Variants in CA10 observed in about 807,000 individuals in gnomAD.
CA10 encodes the protein carbonic anhydrase 10 (inactive).
Under a neutral mutation model 44.2 loss-of-function variants are expected in CA10, and 14 were observed. The observed-to-expected ratio is 0.32, with a 90% CI of 0.21 to 0.50. The LOEUF is 0.50. CA10 is among the 20% of genes least tolerant of loss of function. The pLI, the probability that CA10 is intolerant of heterozygous loss-of-function variation, is 0.99. For synonymous variants in CA10, 159 were observed against 141.6 expected (o/e 1.12, Z -0.87); for missense variants, 350 against 409.7 (o/e 0.85, Z 1.26).
chr17:51,717,811 A>ATG (rs1916198433), intron 4 of CA10, among the ~76,000 whole-genome samples: 1 of 40,470 alleles, frequency 2.5e-5, no homozygotes, highest in African/African-American at 8.0e-5. Flanking sequence ...ATATATATAC[A>ATG]CGTATATATA....
chr17:51,760,915 G>T (rs1047425605), intron 3 of CA10, among the ~76,000 whole-genome samples: 1 of 152,134 alleles, frequency 6.6e-6, no homozygotes, highest in Non-Finnish European at 1.5e-5. Flanking sequence ...TGAATGAGGT[G>T]TTTTATATTC....
chr17:52,062,065 CT>C lies in CA10; in HGVS notation c.136+10253del, dbSNP rs56369087. ...AAGCTTTCAAGAAGTGGTGTGGCCA[CT>C]TTTTTTTTTTTTTTTTTTTGAGATG... On this transcript the variant is annotated intron_variant, in intron 2 of 8. Coordinates refer to ENST00000451037, the MANE Select transcript of CA10 (RefSeq NM_020178.5). Among the ~76,000 whole-genome samples the C allele has an allele frequency of 4.5e-3, 522 of 115,782 alleles. 2 individuals are homozygous for C. The highest frequency in any genetic ancestry group is 0.016 in the African/African-American group (475 of 29,830). The allele number at this position is 115,782 out of a possible 152,430, so 76.0% of individuals were successfully genotyped here.
chr17:52,144,589 T>A (rs1989545006), intron 1 of CA10, among the ~76,000 whole-genome samples: 1 of 152,174 alleles, frequency 6.6e-6, no homozygotes, highest in Admixed American at 6.5e-5. Context: ...GACATGATTA[T>A]CTCCCTTCTT....
chr17:51,802,828 C>A (rs1458402345), intron 3 of CA10, among the ~76,000 whole-genome samples: 1 of 152,160 alleles, frequency 6.6e-6, no homozygotes, highest in Non-Finnish European at 1.5e-5. Flanking sequence ...GCTCTGCAAC[C>A]TGTACCTACT....
chr17:52,029,922 C>T (rs1986414553), intron 2 of CA10, among the ~76,000 whole-genome samples: 1 of 152,188 alleles, frequency 6.6e-6, no homozygotes. Context: ...ACATCTCACA[C>T]ACTGTGTATT....
At position 52,060,638 on chromosome 17, in the gene CA10, T is replaced by C. The variant is rs184896735; in HGVS notation, c.136+11681A>G. Among the ~76,000 whole-genome samples the C allele has an allele frequency of 9.9e-5, 15 of 152,244 alleles. No individual in the cohort carries two copies. The East Asian group carries it at 2.9e-3, about 29-fold the overall frequency. On this transcript the variant is annotated intron_variant, in intron 2 of 8. Coordinates refer to ENST00000451037, the MANE Select transcript of CA10 (RefSeq NM_020178.5). ...TAATAAATGATATCCAAATGCTAGA[T>C]CATGTCTAGAGAGAAGATAGATTTG... is the stretch of plus-strand genomic sequence containing the variant.
chr17:51,925,866 T>C (rs971255092), intron 3 of CA10, among the ~76,000 whole-genome samples: 1 of 152,150 alleles, frequency 6.6e-6, no homozygotes, highest in African/African-American at 2.4e-5. Flanking sequence ...TAATTCTACT[T>C]ATATGAGGTA....
chr17:52,080,175 A>G (rs1178445114), intron 1 of CA10, among the ~76,000 whole-genome samples: 1 of 152,202 alleles, frequency 6.6e-6, no homozygotes, highest in African/African-American at 2.4e-5. Context: ...GTTCAAGGCC[A>G]GGCGCAGTGG....
At chr17:51,780,981 G>A (rs1906035230) in intron 3 of CA10, among the ~76,000 whole-genome samples, 2 of 152,192 alleles carry the variant, frequency 1.3e-5, no homozygotes, top group Admixed American at 1.3e-4. Flanking sequence ...AGGAGGCAGA[G>A]AGCCATATTT....
intron 3 of CA10, among the ~76,000 whole-genome samples, chr17:51,784,476 A>AT (rs1037766468): frequency 1.7e-4 from 26 of 152,104 alleles, no homozygotes; most frequent in African/African-American, 6.3e-4. Flanking sequence ...GTCTGAATGG[A>AT]TTTTTTATCC....
chr17:52,048,543 G>C (rs1283370516), intron 2 of CA10, among the ~76,000 whole-genome samples: 1 of 151,994 alleles, frequency 6.6e-6, no homozygotes, highest in Non-Finnish European at 1.5e-5. Flanking sequence ...AATTGAATTT[G>C]ATCATTTTCA....
intron 3 of CA10, among the ~76,000 whole-genome samples, chr17:51,917,495 C>T (rs757607685): frequency 2.6e-5 from 4 of 152,142 alleles, no homozygotes; most frequent in East Asian, 1.9e-4. Context: ...TAATTTATAA[C>T]GAAAAGAGGT....
intron 4 of CA10, among the ~76,000 whole-genome samples, chr17:51,727,821 C>T (rs1916579610): frequency 6.6e-6 from 1 of 151,940 alleles, no homozygotes; most frequent in Admixed American, 6.6e-5. Flanking sequence ...CAGACGATGC[C>T]CCTGTTATTG....
intron 2 of CA10, among the ~76,000 whole-genome samples, chr17:51,932,896 TAA>T (rs1438852756): frequency 8.5e-5 from 3 of 35,496 alleles, no homozygotes; most frequent in African/African-American, 3.1e-4. Context: ...TTGTCTTTTC[TAA>T]ACTACTTTTT....
chr17:52,140,928 G>A (rs1321711155), intron 1 of CA10, among the ~76,000 whole-genome samples: 4 of 152,276 alleles, frequency 2.6e-5, no homozygotes, highest in African/African-American at 9.6e-5. Context: ...CATGGCCTGG[G>A]TTATGAGTCT....
At chr17:51,881,864 T>C (rs1980391240) in intron 3 of CA10, among the ~76,000 whole-genome samples, 1 of 152,192 alleles carries the variant, frequency 6.6e-6, no homozygotes, top group Non-Finnish European at 1.5e-5. Context: ...GCAGAACCCA[T>C]CTAAACTACA....
At chr17:52,031,788 T>TG (rs1263866333) in intron 2 of CA10, among the ~76,000 whole-genome samples, 7 of 152,158 alleles carry the variant, frequency 4.6e-5, no homozygotes, top group African/African-American at 1.7e-4. Context: ...AAATTTCCCT[T>TG]TGCAATAAGT....
At chr17:51,920,516 A>G (rs1312069231) in intron 3 of CA10, among the ~76,000 whole-genome samples, 1 of 152,192 alleles carries the variant, frequency 6.6e-6, no homozygotes, top group Non-Finnish European at 1.5e-5. Flanking sequence ...TCTAATACCC[A>G]CAGGAGGAGT....
intron 3 of CA10, among the ~76,000 whole-genome samples, chr17:51,764,461 T>A (rs1350355257): frequency 6.6e-6 from 1 of 152,190 alleles, no homozygotes; most frequent in Non-Finnish European, 1.5e-5. Flanking sequence ...CTCCTTCACC[T>A]CCATATCCCC....
Sources: allele counts gnomAD v4.1 joint callset (sites outside exome capture counted in the v4.1 genomes callset), GRCh38; gene constraint gnomAD v4.1.1; transcripts MANE v1.5; gene names NCBI Gene and HGNC (gene_info 2026-07-23, HGNC 2026-07-21).